Variants in NEO1 observed in about 807,000 individuals in gnomAD.
The protein encoded by NEO1 is neogenin.
A neutral mutation model predicts 159.7 loss-of-function variants in NEO1; 63 were observed. The ratio of observed to expected loss-of-function variants is 0.39; its 90% CI spans 0.32 to 0.49. The LOEUF (loss-of-function observed/expected upper bound fraction) is 0.49, where lower values mean the gene tolerates loss of function less well. Ranked by LOEUF, NEO1 falls within the 20% of genes least tolerant of loss-of-function variation. NEO1 has a pLI of 0.85. For missense variants in NEO1, 1,615 were observed against 1,831.0 expected (o/e 0.88, Z 2.15); for synonymous variants, 633 against 662.0 (o/e 0.96, Z 0.67).
chr15:73,085,856 A>G (rs1278836268), intron 1 of NEO1, among the ~76,000 whole-genome samples: 1 of 151,966 alleles, frequency 6.6e-6, no homozygotes, highest in Non-Finnish European at 1.5e-5. Context: ...TTTTTATACA[A>G]TTTATTTTGT....
chr15:73,118,234 G>A (rs1287507344), intron 2 of NEO1, among the ~76,000 whole-genome samples: 2 of 151,680 alleles, frequency 1.3e-5, no homozygotes, highest in East Asian at 1.9e-4. Flanking sequence ...AGCCTTATAA[G>A]CATCTGCCTG....
chr15:73,241,163 A>G (rs1411622099), intron 8 of NEO1, among the ~76,000 whole-genome samples: 4 of 152,162 alleles, frequency 2.6e-5, no homozygotes, highest in Non-Finnish European at 5.9e-5. Context: ...CTGCCTTTTC[A>G]GCTATGAAAA....
chr15:73,263,963 A>T (rs144700363), intron 15 of NEO1, among the ~76,000 whole-genome samples: 48 of 152,272 alleles, frequency 3.2e-4, no homozygotes, highest in African/African-American at 1.2e-3. Flanking sequence ...AGGCAGGAGG[A>T]TCGCTTGAGC....
chr15:73,295,799 T>C (rs896273824), intron 26 of NEO1, among the ~76,000 whole-genome samples: 4 of 152,228 alleles, frequency 2.6e-5, no homozygotes, highest in African/African-American at 9.6e-5. Context: ...GGCCAGTCTC[T>C]GCTCTAAGGA....
At chr15:73,110,605 C>T (rs1322480414) in intron 1 of NEO1, among the ~76,000 whole-genome samples, 2 of 152,042 alleles carry the variant, frequency 1.3e-5, no homozygotes, top group Non-Finnish European at 2.9e-5. Context: ...GGAATTCTAT[C>T]AAGAAGTGTG....
At chr15:73,250,638 G>A in intron 11 of NEO1, among the ~76,000 whole-genome samples, 1 of 151,876 alleles carries the variant, frequency 6.6e-6, no homozygotes, top group East Asian at 1.9e-4. Flanking sequence ...CAAATTGAGG[G>A]AAGCTCTGCA....
chr15:73,179,170 A>AATTAAC (rs1478371557), intron 7 of NEO1, among the ~76,000 whole-genome samples: 1 of 152,208 alleles, frequency 6.6e-6, no homozygotes, highest in Non-Finnish European at 1.5e-5. Context: ...TAACATAAGG[A>AATTAAC]ATTAACATTG....
intron 3 of NEO1, among the ~76,000 whole-genome samples, chr15:73,123,690 G>T (rs938747164): frequency 6.6e-6 from 1 of 152,028 alleles, no homozygotes; most frequent in African/African-American, 2.4e-5. Flanking sequence ...CCCAGTTGTA[G>T]CTCATCATAG....
At chr15:73,287,568 A>T (rs150531137) in intron 23 of NEO1, among the ~76,000 whole-genome samples, 8 of 152,330 alleles carry the variant, frequency 5.3e-5, no homozygotes, top group African/African-American at 1.9e-4. Context: ...CCTAGTTGGT[A>T]GTCCTAGTTT....
Position 73,304,817 on chromosome 15 carries a change from G to A in NEO1, c.*2121G>A, listed in dbSNP as rs985730024. ...CTGCCACAGAATTGGGGCGGGTGGGGGAGGGGCCTATTTTTAAATAAAATA... is the reference window on the plus strand; with the variant it reads ...CTGCCACAGAATTGGGGCGGGTGGGAGAGGGGCCTATTTTTAAATAAAATA... On this transcript the variant is annotated 3_prime_UTR_variant, in exon 29 of 29. Transcript: ENST00000261908. 1 of 152,164 alleles carries A rather than the reference G, an allele frequency of 6.6e-6. No homozygotes were observed. The highest frequency in any genetic ancestry group is 2.1e-4 in the South Asian group (1 of 4,834). 9.4% of individuals were successfully genotyped at this position (152,164 alleles called of 1,614,324 possible). A position where few individuals can be genotyped will look rare whatever the true frequency, so the allele number is the denominator to read the frequency against.
chr15:73,212,248 A>G lies in NEO1; in HGVS notation c.1292-24099A>G, dbSNP rs189781156. On this transcript the variant is annotated intron_variant, in intron 7 of 28. Coordinates refer to ENST00000261908, the MANE Select transcript of NEO1 (RefSeq NM_002499.4). ...AAAGCTCTTCTTACAGGAGCTTTCA[A>G]ATAATTCCTCCATCCCCCATATCAT... 5.3e-5 allele frequency among the ~76,000 whole-genome samples: 8 copies of G among 152,268 alleles called. No individual in the cohort carries two copies. The South Asian group carries it at 1.0e-3, about 20-fold the overall frequency.
chr15:73,121,450 T>G (rs144020832), intron 2 of NEO1, among the ~76,000 whole-genome samples: 1 of 152,340 alleles, frequency 6.6e-6, no homozygotes, highest in Non-Finnish European at 1.5e-5. Flanking sequence ...GTTCTGTTGC[T>G]GGTGATGTTA....
At chr15:73,150,694 G>A (rs2033296526) in intron 5 of NEO1, among the ~76,000 whole-genome samples, 1 of 137,016 alleles carries the variant, frequency 7.3e-6, no homozygotes, top group African/African-American at 2.4e-5. Flanking sequence ...TGCTGTTTAT[G>A]TGTTCCAGCA....
intron 5 of NEO1, chr15:73,161,784 T>C: frequency 3.4e-6 from 1 of 292,456 alleles, no homozygotes; most frequent in South Asian, 4.2e-5. Flanking sequence ...TAAAGAGACT[T>C]TCTCCACTGC....
intron 20 of NEO1, among the ~76,000 whole-genome samples, chr15:73,274,260 G>T (rs1281592494): frequency 6.6e-6 from 1 of 152,148 alleles, no homozygotes; most frequent in African/African-American, 2.4e-5. Context: ...CAGATCAATT[G>T]CAGTGATCTA....
chr15:73,100,017 C>A (rs1270889935), intron 1 of NEO1, among the ~76,000 whole-genome samples: 1 of 152,152 alleles, frequency 6.6e-6, no homozygotes, highest in African/African-American at 2.4e-5. Context: ...TTTACGTCTT[C>A]CTCTCCATTC....
At chr15:73,116,137 T>C (rs1402027491) in intron 1 of NEO1, among the ~76,000 whole-genome samples, 1 of 152,154 alleles carries the variant, frequency 6.6e-6, no homozygotes, top group Non-Finnish European at 1.5e-5. Context: ...TACAAATAAC[T>C]GATAAACATA....
chr15:73,150,198 AC>A (rs147573702), intron 5 of NEO1, among the ~76,000 whole-genome samples: 115 of 152,296 alleles, frequency 7.6e-4, no homozygotes, highest in African/African-American at 2.7e-3. Context: ...CATTTTCAAA[AC>A]CAAATCATTT....
chr15:73,116,683 T>G lies in NEO1; in HGVS notation c.274T>G (p.Phe92Val). The G allele has an allele frequency of 6.2e-7, 1 of 1,613,982 alleles. No homozygotes were observed. Among genetic ancestry groups the G allele is most frequent in the Non-Finnish European group, 8.5e-7 (1 of 1,179,914 alleles). The change falls in exon 2 of 29, where the codon TTT becomes GTT. Residue 92 changes from phenylalanine to valine, a missense_variant. Phe to Val is a conservative substitution (Grantham distance 50). This residue lies in a region of NEO1 where 1,018 missense variants were observed against 1,115.4 expected (regional missense o/e 0.91). Transcript: ENST00000261908. ...PKIEWKKDGT[F>V]LNLVSDDRRQ... Reference sequence around the variant, plus strand: ...AATTGAATGGAAAAAAGATGGAACTTTTTTAAACTTAGTATCAGATGATCG... The same window carrying G: ...AATTGAATGGAAAAAAGATGGAACTGTTTTAAACTTAGTATCAGATGATCG...
Sources: gnomAD v4.1 joint callset for allele counts (sites outside exome capture counted in the v4.1 genomes callset) on GRCh38, gnomAD v4.1.1 for gene constraint, gnomAD v4.1.1 regional missense constraint, MANE v1.5 for transcripts, NCBI Gene and HGNC (gene_info 2026-07-23, HGNC 2026-07-21) for gene names.